PDCD6IP: variants seen among roughly 807,000 people sequenced by gnomAD.
PDCD6IP encodes programmed cell death 6-interacting protein.
PDCD6IP carries 43 observed loss-of-function variants against 103.7 expected under a neutral mutation model. The ratio of observed to expected loss-of-function variants is 0.41; its 90% CI spans 0.32 to 0.53. The LOEUF (loss-of-function observed/expected upper bound fraction) is 0.53, where lower values mean the gene tolerates loss of function less well. Ranked by LOEUF, PDCD6IP falls within the 20% of genes least tolerant of loss-of-function variation. The pLI, the probability that PDCD6IP is intolerant of heterozygous loss-of-function variation, is 0.16. For missense variants in PDCD6IP, 871 were observed against 1,036.7 expected (o/e 0.84, Z 2.20); for synonymous variants, 354 against 378.7 (o/e 0.93, Z 0.76).
chr3:33,802,372 G>A (rs1696494804), intron 1 of PDCD6IP, among the ~76,000 whole-genome samples: 1 of 152,070 alleles, frequency 6.6e-6, no homozygotes, highest in African/African-American at 2.4e-5. Context: ...ACACAGTTTT[G>A]TTAATAAGGA....
chr3:33,804,073 G>A (rs1275141665), intron 1 of PDCD6IP, among the ~76,000 whole-genome samples: 12 of 152,182 alleles, frequency 7.9e-5, no homozygotes, highest in Admixed American at 7.9e-4. Context: ...TGGTTTGGTG[G>A]TGAACATACT....
In PDCD6IP at chr3:33,866,977, T is replaced by C. The variant is rs1698079820; in HGVS notation, c.*452T>C. The C allele has an allele frequency of 6.6e-6, 1 of 152,486 alleles. No homozygotes were observed. Among genetic ancestry groups the C allele is most frequent in the South Asian group, 2.1e-4 (1 of 4,832 alleles). 9.4% of individuals were successfully genotyped at this position (152,486 alleles called of 1,614,324 possible). A position where few individuals can be genotyped will look rare whatever the true frequency, so the allele number is the denominator to read the frequency against. ...TGCATAATCAAGGCACTGTAAATCT[T>C]ATAATTTTAAAATAAATTACTTAAG... On this transcript the variant is annotated 3_prime_UTR_variant, in exon 18 of 18. Transcript: ENST00000307296.
intron 1 of PDCD6IP, among the ~76,000 whole-genome samples, chr3:33,804,400 C>A (rs906171660): frequency 6.6e-6 from 1 of 152,178 alleles, no homozygotes; most frequent in African/African-American, 2.4e-5. Context: ...AGCACAATGA[C>A]GTTGCTACAA....
At chr3:33,808,091 A>G (rs1035102838) in intron 1 of PDCD6IP, among the ~76,000 whole-genome samples, 1 of 152,238 alleles carries the variant, frequency 6.6e-6, no homozygotes, top group Admixed American at 6.5e-5. Context: ...GGGGCTAGCA[A>G]CAAAACAGAG....
rs371569416 is a variant in PDCD6IP at position 33,863,344 on chromosome 3, C to T, written c.2121-662C>T. On this transcript the variant is annotated intron_variant, in intron 15 of 17. Transcript: ENST00000307296. ...AATAAATTATCATTAACTATCATCA[C>T]CCTATGCTGCTATTAAACACTAGAA... is the stretch of plus-strand genomic sequence containing the variant. Among the ~76,000 whole-genome samples the T allele has an allele frequency of 2.0e-5, 3 of 152,292 alleles. No individual in the cohort carries two copies. In the East Asian group the frequency reaches 5.8e-4, roughly 29 times the overall value.
At chr3:33,861,393 G>A (rs186798640) in intron 15 of PDCD6IP, among the ~76,000 whole-genome samples, 14 of 152,054 alleles carry the variant, frequency 9.2e-5, no homozygotes, top group Admixed American at 3.3e-4. Context: ...CACCCGCCTC[G>A]GCCTCCCAAA....
At chr3:33,860,960 CAT>C (rs1384311176) in intron 15 of PDCD6IP, among the ~76,000 whole-genome samples, 1 of 148,622 alleles carries the variant, frequency 6.7e-6, no homozygotes, top group Non-Finnish European at 1.5e-5. Flanking sequence ...TATGCAGTGA[CAT>C]ATGCAATTGA....
chr3:33,832,601 T>G (rs1697266422), intron 7 of PDCD6IP, among the ~76,000 whole-genome samples: 1 of 152,206 alleles, frequency 6.6e-6, no homozygotes, highest in Admixed American at 6.5e-5. Context: ...AAACCATTTA[T>G]TTTATAATAG....
Position 33,821,429 on chromosome 3 carries a change from AT to A in PDCD6IP, c.335-514del, listed in dbSNP as rs113206667. On this transcript the variant is annotated intron_variant, in intron 3 of 17. Coordinates refer to ENST00000307296, the MANE Select transcript of PDCD6IP (RefSeq NM_013374.6). ...TCCTAAGTGGATGTGAGGTGTGTAGATTTTTTTTTTTTAATCAGAGTTGGGT... is the reference window on the plus strand; with the variant it reads ...TCCTAAGTGGATGTGAGGTGTGTAGATTTTTTTTTTTAATCAGAGTTGGGT... Among the ~76,000 whole-genome samples, 63 of 146,666 alleles carry A rather than the reference AT, an allele frequency of 4.3e-4. 1 individual carries two copies. The highest frequency in any genetic ancestry group is 6.0e-4 in the East Asian group (3 of 5,040).
intron 9 of PDCD6IP, among the ~76,000 whole-genome samples, chr3:33,841,464 A>C (rs1278508679): frequency 1.4e-5 from 1 of 69,294 alleles, no homozygotes; most frequent in African/African-American, 6.0e-5. Context: ...TTTGAGACGG[A>C]GTTTCGCTGT....
chr3:33,826,269 ACCC>A (rs1325581055), intron 5 of PDCD6IP, among the ~76,000 whole-genome samples: 1 of 152,060 alleles, frequency 6.6e-6, no homozygotes, highest in Non-Finnish European at 1.5e-5. Context: ...GAAGCCATGT[ACCC>A]ATTAGCAGTC....
chr3:33,852,362 T>C, intron 12 of PDCD6IP, 126 bp from the exon 13 acceptor site: 2 of 1,411,140 alleles, frequency 1.4e-6, no homozygotes, highest in Non-Finnish European at 1.9e-6. Context: ...GTTCAATTTA[T>C]ATTTGGCTCT....
intron 10 of PDCD6IP, 46 bp downstream of exon 10, chr3:33,842,120 C>G (rs1288301040): frequency 4.6e-6 from 5 of 1,085,592 alleles, no homozygotes; most frequent in East Asian, 2.4e-5. Context: ...ACTGTGATCC[C>G]TTGATGTCCA....
chr3:33,820,278 GTCTCA>G (rs1252811852), intron 3 of PDCD6IP, among the ~76,000 whole-genome samples: 2 of 35,382 alleles, frequency 5.7e-5, no homozygotes, highest in Non-Finnish European at 1.1e-4. Flanking sequence ...ATGAGACCCT[GTCTCA>G]AAAGAAAAAA....
At chr3:33,858,798 A>G (rs1372331111) in intron 15 of PDCD6IP, among the ~76,000 whole-genome samples, 8 of 152,234 alleles carry the variant, frequency 5.3e-5, no homozygotes, top group Admixed American at 5.2e-4. Flanking sequence ...CAACAGAGTG[A>G]GACTCTGTCT....
Position 33,855,267 on chromosome 3 carries a change from C to T in PDCD6IP, c.2120+7C>T, listed in dbSNP as rs764315728. 5.1e-5 allele frequency: 78 copies of T among 1,515,334 alleles called. No homozygotes were observed. Among genetic ancestry groups the T allele is most frequent in the Non-Finnish European group, 6.7e-5 (73 of 1,090,800 alleles). The allele number at this position is 1,515,334 out of a possible 1,614,324, so 93.9% of individuals were successfully genotyped here. A position where few individuals can be genotyped will look rare whatever the true frequency, so the allele number is the denominator to read the frequency against. ...AAAGAGATGAACTCTTAAAGTAAGTCTGTTTTGTGTACCAAATTGTACTTA... is the reference window on the plus strand; with the variant it reads ...AAAGAGATGAACTCTTAAAGTAAGTTTGTTTTGTGTACCAAATTGTACTTA... On this transcript the variant is annotated splice_region_variant and intron_variant, in intron 15 of 17. Transcript: ENST00000307296.
At chr3:33,857,678 A>G (rs1205869529) in intron 15 of PDCD6IP, among the ~76,000 whole-genome samples, 2 of 152,188 alleles carry the variant, frequency 1.3e-5, no homozygotes, top group African/African-American at 4.8e-5. Context: ...ACATCAAAGG[A>G]AAGATCACAG....
intron 1 of PDCD6IP, among the ~76,000 whole-genome samples, chr3:33,802,787 G>T (rs916213748): frequency 2.6e-5 from 4 of 152,230 alleles, no homozygotes; most frequent in Non-Finnish European, 4.4e-5. Context: ...ACTGTGCCCG[G>T]CCAATCTCTG....
intron 14 of PDCD6IP, among the ~76,000 whole-genome samples, chr3:33,854,302 G>C (rs1485113051): frequency 1.3e-5 from 2 of 152,138 alleles, no homozygotes; most frequent in Non-Finnish European, 2.9e-5. Flanking sequence ...CTTTTTAAGG[G>C]ATAGGAAGTT....
Sources: gnomAD v4.1 joint callset for allele counts (sites outside exome capture counted in the v4.1 genomes callset) on GRCh38, gnomAD v4.1.1 for gene constraint, MANE v1.5 for transcripts, NCBI Gene and HGNC (gene_info 2026-07-23, HGNC 2026-07-21) for gene names.